Variants in PDZD2 observed in about 807,000 individuals in gnomAD.
The protein encoded by PDZD2 is PDZ domain containing 2.
In PDZD2, 90 loss-of-function variants were observed where a neutral mutation model predicts 220.7. That is an observed-to-expected ratio of 0.41 (90% confidence interval 0.34 to 0.49). The LOEUF is 0.49. PDZD2 is among the 20% of genes least tolerant of loss of function. PDZD2 has a pLI of 0.28. For missense variants in PDZD2, 3,174 were observed against 3,608.5 expected (o/e 0.88, Z 3.08); for synonymous variants, 1,375 against 1,450.5 (o/e 0.95, Z 1.18).
intron 1 of PDZD2, among the ~76,000 whole-genome samples, chr5:31,714,296 A>C (rs554756721): frequency 6.6e-5 from 10 of 152,312 alleles, no homozygotes; most frequent in African/African-American, 2.2e-4. Context: ...GTTGTCAGGC[A>C]ACCAGGGCTG....
intron 2 of PDZD2, among the ~76,000 whole-genome samples, chr5:31,963,129 G>A (rs1204845926): frequency 6.6e-6 from 1 of 152,174 alleles, no homozygotes; most frequent in Non-Finnish European, 1.5e-5. Flanking sequence ...CCAGACAAGA[G>A]CAGAGGCCCC....
At position 32,083,746 on chromosome 5, in the gene PDZD2, G is replaced by C. The variant is rs932112047; in HGVS notation, c.3683-3385G>C. 1 of 152,116 alleles carries C rather than the reference G, an allele frequency of 6.6e-6. No individual in the cohort carries two copies. Among genetic ancestry groups the C allele is most frequent in the Non-Finnish European group, 1.5e-5 (1 of 68,120 alleles). The allele number at this position is 152,116 out of a possible 1,614,324, so 9.4% of individuals were successfully genotyped here. On this transcript the variant is annotated intron_variant, in intron 19 of 24. Coordinates refer to ENST00000438447, the MANE Select transcript of PDZD2 (RefSeq NM_178140.4). The surrounding 1 kb of genome is among the most constrained non-coding windows in gnomAD (Gnocchi z 4.1). ...GGATGGAGTACAGTGGCTCGATCTC[G>C]GCTCACTGCAACCTCCGCCTCCCAG...
intron 1 of PDZD2, among the ~76,000 whole-genome samples, chr5:31,671,581 C>G (rs1746218432): frequency 6.6e-6 from 1 of 152,208 alleles, no homozygotes; most frequent in South Asian, 2.1e-4. Flanking sequence ...CCCCCACATG[C>G]ACTAGTGCGG....
intron 2 of PDZD2, among the ~76,000 whole-genome samples, chr5:31,955,646 T>G (rs1314490600): frequency 6.6e-6 from 1 of 151,680 alleles, no homozygotes; most frequent in Non-Finnish European, 1.5e-5. Context: ...CCCTGACCTT[T>G]ATGATTTTCT....
intron 2 of PDZD2, among the ~76,000 whole-genome samples, chr5:31,942,841 C>T (rs1442446709): frequency 6.6e-6 from 1 of 152,166 alleles, no homozygotes; most frequent in East Asian, 1.9e-4. Flanking sequence ...TTTCATGGCA[C>T]TTGGGTTGAT....
At position 31,921,928 on chromosome 5, in the gene PDZD2, C is replaced by T. The variant is rs145321508; in HGVS notation, c.477-61227C>T. ...GGTACTAGAAGTACTAGAAGTTCCACACTTTGGCTGTTGTTGTTACTACCA... is the reference window on the plus strand; with the variant it reads ...GGTACTAGAAGTACTAGAAGTTCCATACTTTGGCTGTTGTTGTTACTACCA... On this transcript the variant is annotated intron_variant, in intron 2 of 24. Transcript: ENST00000438447. Among the ~76,000 whole-genome samples, 469 of 152,328 alleles carry T rather than the reference C, an allele frequency of 3.1e-3. 1 individual carries two copies. The highest frequency in any genetic ancestry group is 0.011 in the African/African-American group (448 of 41,566).
intron 1 of PDZD2, among the ~76,000 whole-genome samples, chr5:31,676,182 G>T (rs1480268253): frequency 1.3e-5 from 2 of 152,128 alleles, no homozygotes; most frequent in African/African-American, 4.8e-5. Flanking sequence ...ATTTATTCAT[G>T]TATTTATTTA....
Position 32,074,586 on chromosome 5 carries a change from G to C in PDZD2, c.3480G>C (p.Gln1160His), listed in dbSNP as rs765049400. The change falls in exon 18 of 25, where the codon CAG becomes CAC. Residue 1160 changes from glutamine (Q) to histidine (H), a missense_variant. Transcript: ENST00000438447. ...NDPCDLDSRV[Q>H]ATSVKVTVAG... ...CATGCGATCTGGACTCGAGAGTCCA[G>C]GCCACTTCTGTCAAAGTGACTGTCG... 3 of 1,613,302 alleles carry C rather than the reference G, an allele frequency of 1.9e-6. No individual in the cohort carries two copies. The highest frequency in any genetic ancestry group is 2.5e-6 in the Non-Finnish European group (3 of 1,179,770).
intron 1 of PDZD2, among the ~76,000 whole-genome samples, chr5:31,662,859 T>C (rs561039724): frequency 1.3e-5 from 2 of 152,286 alleles, no homozygotes; most frequent in Admixed American, 1.3e-4. Context: ...CTTGATCTCC[T>C]GACCTTGTGA....
chr5:32,062,562 T>A (rs1270989577), intron 14 of PDZD2, among the ~76,000 whole-genome samples: 1 of 151,942 alleles, frequency 6.6e-6, no homozygotes, highest in Non-Finnish European at 1.5e-5. Context: ...CCTGGCTAAT[T>A]TTTACATTTT....
chr5:32,031,299 G>A (rs1355632298), intron 6 of PDZD2, among the ~76,000 whole-genome samples: 2 of 152,142 alleles, frequency 1.3e-5, no homozygotes, highest in East Asian at 3.8e-4. Flanking sequence ...TGTTGTCTAA[G>A]ATCTCTTTTA....
In PDZD2 at chr5:31,912,463, A is replaced by G. The variant is rs978732409; in HGVS notation, c.477-70692A>G. On this transcript the variant is annotated intron_variant, in intron 2 of 24. Coordinates refer to ENST00000438447, the MANE Select transcript of PDZD2 (RefSeq NM_178140.4). ...CCTAACCCCCAAGGGGGTTCCTCCAATTTTGGAGGAACACAAAGATTCAGA... is the reference window on the plus strand; with the variant it reads ...CCTAACCCCCAAGGGGGTTCCTCCAGTTTTGGAGGAACACAAAGATTCAGA... Among the ~76,000 whole-genome samples the G allele has an allele frequency of 2.2e-4, 33 of 152,144 alleles. 1 individual carries two copies. The highest frequency in any genetic ancestry group is 1.6e-3 in the Admixed American group (24 of 15,276).
At chr5:31,848,705 T>G (rs1001546573) in intron 2 of PDZD2, among the ~76,000 whole-genome samples, 2 of 150,308 alleles carry the variant, frequency 1.3e-5, no homozygotes, top group African/African-American at 4.9e-5. Flanking sequence ...GCCAAGATCG[T>G]GCCATTGCAC....
At chr5:31,975,606 GTC>G (rs1285813545) in intron 2 of PDZD2, among the ~76,000 whole-genome samples, 1 of 152,122 alleles carries the variant, frequency 6.6e-6, no homozygotes, top group Non-Finnish European at 1.5e-5. Flanking sequence ...GACTTCCTCA[GTC>G]TCTTCCTTCA....
chr5:31,753,908 T>C lies in PDZD2; in HGVS notation c.-360-44981T>C, dbSNP rs550794166. Among the ~76,000 whole-genome samples, 6 of 152,338 alleles carry C rather than the reference T, an allele frequency of 3.9e-5. No individual in the cohort carries two copies. The South Asian group carries it at 1.2e-3, about 32-fold the overall frequency. ...ATGCTTCTCCTACAAGGAGGATGTC[T>C]GCATCTTGTTTTTATTCTCCAGCAT... On this transcript the variant is annotated intron_variant, in intron 1 of 24. Transcript: ENST00000438447.
At chr5:32,066,027 T>A (rs78829191) in intron 14 of PDZD2, among the ~76,000 whole-genome samples, 48 of 68,678 alleles carry the variant, frequency 7.0e-4, no homozygotes, top group African/African-American at 2.6e-3. Flanking sequence ...TTGGTCTAAA[T>A]CAATCAATCA....
intron 10 of PDZD2, among the ~76,000 whole-genome samples, chr5:32,054,810 A>G (rs1238238345): frequency 5.3e-5 from 8 of 152,184 alleles, no homozygotes; most frequent in Non-Finnish European, 1.2e-4. Flanking sequence ...GCAATTCCAC[A>G]TATTCAATTA....
intron 2 of PDZD2, among the ~76,000 whole-genome samples, chr5:31,952,295 T>C (rs10940984): frequency 0.3 from 45,019 of 152,106 alleles, 6,904 homozygotes; most frequent in Middle Eastern, 0.45. Flanking sequence ...AGACAGTGAT[T>C]TGAAATAATT....
At chr5:31,702,497 G>A (rs1439264940) in intron 1 of PDZD2, among the ~76,000 whole-genome samples, 2 of 152,116 alleles carry the variant, frequency 1.3e-5, no homozygotes, top group Non-Finnish European at 2.9e-5. Flanking sequence ...TGGATCTAAG[G>A]GCAGAAGTCG....
Sources: gnomAD v4.1 joint callset for allele counts (sites outside exome capture counted in the v4.1 genomes callset) on GRCh38, gnomAD v4.1.1 for gene constraint, Gnocchi (gnomAD v3.1) non-coding constraint, MANE v1.5 for transcripts, NCBI Gene and HGNC (gene_info 2026-07-23, HGNC 2026-07-21) for gene names.